The following GTF3C3 variants were observed in gnomAD, a reference collection of about 807,000 sequenced individuals.
GTF3C3 encodes the protein general transcription factor IIIC subunit 3.
GTF3C3 carries 75 observed loss-of-function variants against 105.2 expected under a neutral mutation model. The observed-to-expected ratio is 0.71, with a 90% confidence interval of 0.59 to 0.86. The LOEUF (loss-of-function observed/expected upper bound fraction) is 0.86. Among genes scored for constraint, GTF3C3 ranks in the 40% least tolerant of loss-of-function variants. The pLI is 0.00. For missense variants in GTF3C3, 856 were observed against 1,076.5 expected (o/e 0.80, Z 2.87); for synonymous variants, 335 against 370.4 (o/e 0.90, Z 1.10).
Position 196,776,052 on chromosome 2 carries a change from A to C in GTF3C3, c.1653T>G (p.Gly551=), listed in dbSNP as rs1214386329. Residue 551 remains glycine (G), a synonymous_variant, in exon 12 of 18, where the codon GGT becomes GGG. Transcript: ENST00000263956. This position sits in a 1 kb window ranked among gnomAD's most constrained non-coding sequence, Gnocchi z 4.5. ...TLLFSQGKMY[G]YVDTLLTMLA... ...ACATAGTAAGTAAGGTATCCACATA[A>C]CCATACATTTTGCCTTGTGAAAACA... The C allele has an allele frequency of 1.9e-6, 3 of 1,599,340 alleles. No homozygotes were observed. The highest frequency in any genetic ancestry group is 2.2e-5 in the East Asian group (1 of 44,510).
In GTF3C3 at chr2:196,786,985, C is replaced by A. The variant is rs181054990; in HGVS notation, c.894-1397G>T. On this transcript the variant is annotated intron_variant, in intron 6 of 17. Transcript: ENST00000263956. The surrounding 1 kb of genome is among the most constrained non-coding windows in gnomAD (Gnocchi z 4.2). The stretch of plus-strand genomic sequence containing the variant: ...TAGAACATCATGCTGTTCTCAGTTT[C>A]CTGCTACTTCACTGGCCATTTTCTT... Among the ~76,000 whole-genome samples the A allele has an allele frequency of 3.7e-4, 57 of 152,212 alleles. 1 individual carries two copies. The East Asian group carries it at 0.01, about 27-fold the overall frequency.
chr2:196,785,570 A>G lies in GTF3C3; in HGVS notation c.912T>C (p.Asn304=). 1 of 1,606,156 alleles carries G rather than the reference A, an allele frequency of 6.2e-7. No individual in the cohort carries two copies. The change falls in exon 7 of 18, where the codon AAT becomes AAC. Residue 304 remains asparagine, a synonymous_variant. Coordinates refer to ENST00000263956, the MANE Select transcript of GTF3C3 (RefSeq NM_012086.5). ...RDMAKSYYEA[N]DVTSAINIID... is the part of the protein sequence containing the mutation. ...TTATGTTAATAGCAGAAGTAACATC[A>G]TTGGCTTCATAGTAACTCCTAAAAA...
rs1277540002 is a variant in GTF3C3 at position 196,764,043 on chromosome 2, G to GAA, written c.*518_*519dup. ...TTAGGTAGCTAAGATACATGCTGGTGAAAAGTAAAAAACTAAATTATTTGT... is the reference window on the plus strand; with the variant it reads ...TTAGGTAGCTAAGATACATGCTGGTGAAAAAAGTAAAAAACTAAATTATTTGT... On this transcript the variant is annotated 3_prime_UTR_variant, in exon 18 of 18. Transcript: ENST00000263956. The GAA allele has an allele frequency of 1.3e-5, 2 of 152,172 alleles. No individual in the cohort carries two copies. Among genetic ancestry groups the GAA allele is most frequent in the African/African-American group, 4.8e-5 (2 of 41,454 alleles). 9.4% of individuals were successfully genotyped at this position (152,172 alleles called of 1,614,324 possible).
chr2:196,770,368 T>G (rs1270334461), intron 15 of GTF3C3, among the ~76,000 whole-genome samples: 4 of 152,192 alleles, frequency 2.6e-5, no homozygotes, highest in Non-Finnish European at 5.9e-5. Flanking sequence ...ACCTTAAATC[T>G]AGTTTGAAAA....
chr2:196,767,209 C>T (rs563507647), intron 16 of GTF3C3, among the ~76,000 whole-genome samples: 195 of 152,290 alleles, frequency 1.3e-3, no homozygotes, highest in Admixed American at 5.9e-3. Flanking sequence ...AACCTCTTAA[C>T]CCAAAAAAAC....
intron 8 of GTF3C3, among the ~76,000 whole-genome samples, chr2:196,781,353 AAAAAATATATATATAT>A (rs1699350060): frequency 8.6e-5 from 2 of 23,130 alleles, no homozygotes; most frequent in East Asian, 2.6e-3. Context: ...AAAAAAAAAA[AAAAAATATATATATAT>A]ATATATATAT....
At position 196,785,469 on chromosome 2, in the gene GTF3C3, G is replaced by C. The variant is rs377186267; in HGVS notation, c.1013C>G (p.Ser338Cys). The C allele has an allele frequency of 1.2e-6, 2 of 1,609,450 alleles. No individual in the cohort carries two copies. ...DVNIAAELYI[S>C]NKQYDKALEI... The stretch of plus-strand genomic sequence containing the variant: ...CAAAGCTTTGTCATACTGTTTGTTA[G>C]AAATATATAGTTCAGCTGCTATGTT... The change falls in exon 7 of 18, where the codon TCT becomes TGT. Residue 338 changes from serine to cysteine, a missense_variant. By Grantham distance (112) the Ser-to-Cys change is moderately radical. Around this residue, in one of 3 missense-constraint regions of GTF3C3, gnomAD observed 605 missense variants for 833.6 expected, o/e 0.73. Transcript: ENST00000263956.
chr2:196,766,809 T>C, intron 16 of GTF3C3, 92 bp from the exon 17 acceptor site: 1 of 983,762 alleles, frequency 1.0e-6, no homozygotes, highest in Non-Finnish European at 1.5e-6. Flanking sequence ...AATACAAATA[T>C]TTTTTAAAAA....
chr2:196,790,154 C>T (rs770189320), intron 4 of GTF3C3, 84 bp from the exon 5 acceptor site: 2 of 810,420 alleles, frequency 2.5e-6, no homozygotes, highest in African/African-American at 3.5e-5. Flanking sequence ...AACTGTATGT[C>T]TTTTTTTTAA....
At chr2:196,777,039 A>G (rs1279382926) in intron 10 of GTF3C3, among the ~76,000 whole-genome samples, 1 of 152,234 alleles carries the variant, frequency 6.6e-6, no homozygotes, top group Non-Finnish European at 1.5e-5. Flanking sequence ...TCGGCAGACC[A>G]GTGTAACCCA....
chr2:196,764,791 A>G (rs1699032223), intron 17 of GTF3C3, 106 bp from the exon 18 acceptor site: 1 of 942,218 alleles, frequency 1.1e-6, no homozygotes, highest in Non-Finnish European at 1.6e-6. Context: ...TTCAAAAGGT[A>G]TTAAAGCTCA....
intron 4 of GTF3C3, 51 bp downstream of exon 4, chr2:196,791,286 T>G (rs1559305325): frequency 6.3e-7 from 1 of 1,592,970 alleles, no homozygotes; most frequent in East Asian, 2.2e-5. Flanking sequence ...CCATTTGTTT[T>G]AAGTCAGACT....
intron 4 of GTF3C3, 40 bp downstream of exon 4, chr2:196,791,297 A>G: frequency 6.2e-7 from 1 of 1,607,254 alleles, no homozygotes; most frequent in Middle Eastern, 1.7e-4. Context: ...AAGTCAGACT[A>G]TTAAACTGCT....
At chr2:196,764,755 A>G in intron 17 of GTF3C3, 70 bp from the exon 18 acceptor site, 4 of 1,390,500 alleles carry the variant, frequency 2.9e-6, no homozygotes, top group Non-Finnish European at 4.0e-6. Flanking sequence ...ATGGCAAATT[A>G]ATAGTTTTAT....
At chr2:196,769,658 G>A (rs1699135581) in intron 16 of GTF3C3, among the ~76,000 whole-genome samples, 1 of 151,982 alleles carries the variant, frequency 6.6e-6, no homozygotes, top group South Asian at 2.1e-4. Flanking sequence ...GCCTGCCAGT[G>A]CATTCCTCCA....
At chr2:196,767,268 T>G (rs1699085372) in intron 16 of GTF3C3, among the ~76,000 whole-genome samples, 2 of 152,204 alleles carry the variant, frequency 1.3e-5, no homozygotes, top group Non-Finnish European at 2.9e-5. Context: ...ATGGAGAAAC[T>G]ATTTCAGAGC....
At chr2:196,787,248 C>G (rs1406156901) in intron 6 of GTF3C3, among the ~76,000 whole-genome samples, 1 of 152,122 alleles carries the variant, frequency 6.6e-6, no homozygotes, top group African/African-American at 2.4e-5. Flanking sequence ...ACAGTAATTT[C>G]CTAACTGGTC....
At chr2:196,774,130 C>T (rs1291009612) in intron 13 of GTF3C3, among the ~76,000 whole-genome samples, 3 of 152,162 alleles carry the variant, frequency 2.0e-5, no homozygotes, top group Admixed American at 2.0e-4. Context: ...AAAAGCCTCC[C>T]TTTGATAGCC....
At chr2:196,766,288 G>A (rs1029155722) in intron 17 of GTF3C3, among the ~76,000 whole-genome samples, 3 of 151,924 alleles carry the variant, frequency 2.0e-5, no homozygotes, top group African/African-American at 7.3e-5. Context: ...CTATTCAGAG[G>A]TTACGTCTAC....
Sources: gnomAD v4.1 joint callset for allele counts (sites outside exome capture counted in the v4.1 genomes callset) on GRCh38, gnomAD v4.1.1 for gene constraint, gnomAD v4.1.1 regional missense constraint, Gnocchi (gnomAD v3.1) non-coding constraint, MANE v1.5 for transcripts, NCBI Gene and HGNC (gene_info 2026-07-23, HGNC 2026-07-21) for gene names.